CCDC150: variants seen among roughly 807,000 people sequenced by gnomAD.
CCDC150 encodes the protein coiled-coil domain containing 150.
In CCDC150, 151 loss-of-function variants were observed where a neutral mutation model predicts 156.5. That is an observed-to-expected ratio of 0.97 (90% confidence interval 0.85 to 1.10). CCDC150 has a LOEUF of 1.10. CCDC150 is among the 50% of genes least tolerant of loss of function. CCDC150 has a pLI of 0.00. For synonymous variants in CCDC150, 452 were observed against 429.4 expected, an observed-to-expected ratio of 1.05 and a Z score of -0.65; for missense variants, 1,312 against 1,268.1, an observed-to-expected ratio of 1.03 and a Z score of -0.53.
chr2:196,658,001 A>C (rs1384299256), intron 4 of CCDC150, among the ~76,000 whole-genome samples: 1 of 152,186 alleles, frequency 6.6e-6, no homozygotes, highest in African/African-American at 2.4e-5. Context: ...TAGCAATGAC[A>C]TTATAGAGTA....
chr2:196,724,929 G>A (rs1472099586), intron 21 of CCDC150, among the ~76,000 whole-genome samples: 1 of 152,110 alleles, frequency 6.6e-6, no homozygotes, highest in Non-Finnish European at 1.5e-5. Context: ...GAGGACAGGT[G>A]TCAGCAACTT....
intron 9 of CCDC150, among the ~76,000 whole-genome samples, chr2:196,672,735 C>T (rs1197335653): frequency 1.3e-5 from 2 of 152,152 alleles, no homozygotes; most frequent in African/African-American, 4.8e-5. Flanking sequence ...GTATTTCCCC[C>T]TCCAAAGTGA....
At chr2:196,731,898 G>A (rs1262470606) in intron 26 of CCDC150, 135 bp from the exon 27 acceptor site, 1 of 710,590 alleles carries the variant, frequency 1.4e-6, no homozygotes, top group East Asian at 2.8e-5. Context: ...AGTATATTAT[G>A]CAAATAGGTT....
intron 4 of CCDC150, chr2:196,657,353 C>T: frequency 4.1e-6 from 2 of 488,342 alleles, no homozygotes; most frequent in Non-Finnish European, 7.4e-6. Context: ...TTTGTACAAC[C>T]CTTACCCCAT....
chr2:196,664,767 C>T (rs1477798624), intron 5 of CCDC150, among the ~76,000 whole-genome samples: 1 of 152,092 alleles, frequency 6.6e-6, no homozygotes, highest in Non-Finnish European at 1.5e-5. Flanking sequence ...AGCTACCTAC[C>T]TTCCCCCACC....
At chr2:196,658,749 G>T (rs377252880) in intron 4 of CCDC150, 43 bp from the exon 5 acceptor site, 24 of 1,449,754 alleles carry the variant, frequency 1.7e-5, no homozygotes, top group Non-Finnish European at 2.1e-5. Context: ...ATTTCTTCCT[G>T]TCATTTCAGA....
At chr2:196,713,362 T>C (rs949188429) in intron 17 of CCDC150, 2 of 1,470,906 alleles carry the variant, frequency 1.4e-6, no homozygotes, top group Non-Finnish European at 1.8e-6. Context: ...TGACGATGCC[T>C]CTAAGAAAAA....
At chr2:196,642,278 T>C (rs866428525) in intron 1 of CCDC150, among the ~76,000 whole-genome samples, 6 of 152,208 alleles carry the variant, frequency 3.9e-5, no homozygotes, top group Non-Finnish European at 7.4e-5. Flanking sequence ...ATTGTTTTCA[T>C]GTAAGACTGT....
intron 17 of CCDC150, chr2:196,718,276 A>C (rs937519161): frequency 4.3e-5 from 12 of 276,732 alleles, no homozygotes; most frequent in South Asian, 2.3e-4. Flanking sequence ...TATTCTCCCT[A>C]TTCTTGTGTT....
In CCDC150 at chr2:196,732,092, A is replaced by G. The variant is rs1019292888; in HGVS notation, c.3129A>G (p.Gln1043=). 1 of 1,613,904 alleles carries G rather than the reference A, an allele frequency of 6.2e-7. No individual in the cohort carries two copies. The highest frequency in any genetic ancestry group is 1.3e-5 in the African/African-American group (1 of 75,054). Residue 1043 remains glutamine, a synonymous_variant, in exon 27 of 28, where the codon CAA becomes CAG. Coordinates refer to ENST00000389175, the MANE Select transcript of CCDC150 (RefSeq NM_001080539.2). ...RWFKHRFDGL[Q]LELTKNRLQR... is the part of the protein sequence containing the mutation. ...TTAAGCACAGGTTTGATGGTCTACA[A>G]CTTGAGCTGACAAAAAACCGGTTGC...
At chr2:196,725,352 G>A (rs1252709676) in intron 21 of CCDC150, among the ~76,000 whole-genome samples, 2 of 151,998 alleles carry the variant, frequency 1.3e-5, no homozygotes, top group South Asian at 2.1e-4. Context: ...CAGAAGCTAC[G>A]GACTCAGCTA....
At chr2:196,686,925 A>G (rs1272542504) in intron 13 of CCDC150, among the ~76,000 whole-genome samples, 2 of 152,076 alleles carry the variant, frequency 1.3e-5, no homozygotes, top group African/African-American at 4.8e-5. Context: ...ATCCATGATC[A>G]CGAGGACGTG....
chr2:196,640,504 C>T (rs1303799970), intron 1 of CCDC150, among the ~76,000 whole-genome samples: 1 of 152,192 alleles, frequency 6.6e-6, no homozygotes, highest in African/African-American at 2.4e-5. Flanking sequence ...ACCTCACCCC[C>T]AAACTTCAGA....
At chr2:196,718,753 C>T (rs1044309269) in intron 18 of CCDC150, 122 bp downstream of exon 18, 1 of 1,261,344 alleles carries the variant, frequency 7.9e-7, no homozygotes, top group Non-Finnish European at 1.0e-6. Context: ...GGGAGGATTT[C>T]TTTTTCTGGA....
intron 5 of CCDC150, among the ~76,000 whole-genome samples, chr2:196,661,321 A>G (rs1458275617): frequency 6.6e-6 from 1 of 152,188 alleles, no homozygotes; most frequent in East Asian, 1.9e-4. Flanking sequence ...TTGAAGTCCA[A>G]GATCAAGTTG....
chr2:196,671,189 T>G (rs768459661), intron 8 of CCDC150, among the ~76,000 whole-genome samples: 7 of 152,114 alleles, frequency 4.6e-5, no homozygotes, highest in Non-Finnish European at 8.8e-5. Context: ...TCAGAGTAGT[T>G]TCATTGCTCT....
chr2:196,692,381 G>T (rs181929826), intron 13 of CCDC150, among the ~76,000 whole-genome samples: 1 of 151,600 alleles, frequency 6.6e-6, no homozygotes, highest in Non-Finnish European at 1.5e-5. Context: ...TGATCCACCC[G>T]CCTCAGCCTC....
chr2:196,645,103 G>A (rs1692457907), intron 1 of CCDC150, among the ~76,000 whole-genome samples: 1 of 152,124 alleles, frequency 6.6e-6, no homozygotes, highest in African/African-American at 2.4e-5. Flanking sequence ...CAGCTTAGGT[G>A]ACAGAGCAAG....
chr2:196,696,617 C>T (rs1158432608), intron 14 of CCDC150, among the ~76,000 whole-genome samples: 2 of 152,184 alleles, frequency 1.3e-5, no homozygotes, highest in Non-Finnish European at 1.5e-5. Flanking sequence ...TCATAGATAA[C>T]GCAATTCTAG....
Sources: allele counts gnomAD v4.1 joint callset (sites outside exome capture counted in the v4.1 genomes callset), GRCh38; gene constraint gnomAD v4.1.1; transcripts MANE v1.5; gene names NCBI Gene and HGNC (gene_info 2026-07-23, HGNC 2026-07-21).